INSL6: variants seen among roughly 807,000 people sequenced by gnomAD.
INSL6 encodes insulin like 6, also known as insulin-like peptide INSL6.
In INSL6, 16 loss-of-function variants were observed where a neutral mutation model predicts 9.4. The observed-to-expected ratio is 1.70, with a 90% CI of 1.15 to 2.59. The LOEUF (loss-of-function observed/expected upper bound fraction) is 2.59, where lower values mean the gene tolerates loss of function less well. Ranked by LOEUF, INSL6 falls within the 30% of genes most tolerant of loss-of-function variation. The pLI, the probability that INSL6 is intolerant of heterozygous loss-of-function variation, is 0.00. For missense variants in INSL6, 391 were observed against 257.3 expected (o/e 1.52, Z -3.56); for synonymous variants, 154 against 96.9 (o/e 1.59, Z -3.46).
downstream of INSL6, among the ~76,000 whole-genome samples, chr9:5,120,113 G>A (rs1823500829): frequency 6.6e-6 from 1 of 152,342 alleles, no homozygotes. Flanking sequence ...CAGGCGTCTG[G>A]TGAGAGCTGC....
chr9:5,081,578 C>A, the INSL6 span: 2 of 590,782 alleles, frequency 3.4e-6, no homozygotes, highest in South Asian at 4.7e-5. Context: ...TAAAGGCTCC[C>A]ATTAATATAA....
intron 2 of INSL6, among the ~76,000 whole-genome samples, chr9:5,140,746 G>A (rs1233709083): frequency 6.6e-6 from 1 of 151,620 alleles, no homozygotes; most frequent in African/African-American, 2.4e-5. Flanking sequence ...TAAGTTCAGG[G>A]TACATATGCA....
At chr9:5,034,275 T>C in the INSL6 span, among the ~76,000 whole-genome samples, 36,096 of 151,620 alleles carry the variant, frequency 0.24, 4,643 homozygotes, top group South Asian at 0.31. Flanking sequence ...GACTTAGACT[T>C]CCACACAATA....
At chr9:5,164,870 C>T (rs540137240) in intron 1 of INSL6, among the ~76,000 whole-genome samples, 1 of 152,152 alleles carries the variant, frequency 6.6e-6, no homozygotes, top group Non-Finnish European at 1.5e-5. Flanking sequence ...ATCCATTTAT[C>T]AATTGATGGA....
Position 5,185,604 on chromosome 9 carries a change from C to T in INSL6, c.-2G>A, listed in dbSNP as rs1319170705. The stretch of plus-strand genomic sequence containing the variant: ...GGACAAGCGGAGGAGCCGCGGCATC[C>T]CTGTGACCCCAGGCTAGTCCTCCGC... On this transcript the variant is annotated 5_prime_UTR_variant, in exon 1 of 2. Coordinates refer to ENST00000381641, the MANE Select transcript of INSL6 (RefSeq NM_007179.3). 4.3e-6 allele frequency: 7 copies of T among 1,610,292 alleles called. No individual in the cohort carries two copies. The highest frequency in any genetic ancestry group is 5.9e-6 in the Non-Finnish European group (7 of 1,179,092).
chr9:5,072,342 T>A, the INSL6 span: 1 of 497,432 alleles, frequency 2.0e-6, no homozygotes, highest in Non-Finnish European at 3.6e-6. Flanking sequence ...AATAAAAGCA[T>A]TAATTTGGAG....
intron 3 of INSL6, among the ~76,000 whole-genome samples, chr9:5,129,431 C>T (rs1238579170): frequency 2.0e-5 from 3 of 152,066 alleles, no homozygotes; most frequent in Non-Finnish European, 4.4e-5. Flanking sequence ...CTTTAATGAA[C>T]ACTGTTGTAT....
intron 1 of INSL6, among the ~76,000 whole-genome samples, chr9:5,174,231 C>T (rs532254527): frequency 3.3e-5 from 5 of 152,162 alleles, no homozygotes; most frequent in African/African-American, 9.7e-5. Context: ...CCCCACTTAC[C>T]ATGCCAGCTA....
At chr9:5,013,481 A>G in the INSL6 span, among the ~76,000 whole-genome samples, 1 of 152,202 alleles carries the variant, frequency 6.6e-6, no homozygotes, top group Non-Finnish European at 1.5e-5. Context: ...AGACCACTCC[A>G]TTGCCTTTTG....
the INSL6 span, chr9:5,055,824 TTA>T: frequency 6.4e-7 from 1 of 1,566,904 alleles, no homozygotes; most frequent in Non-Finnish European, 8.7e-7. Context: ...TGGTTTCATT[TTA>T]TAGTTCTCAG....
the INSL6 span, chr9:5,077,568 C>G: frequency 6.7e-7 from 1 of 1,482,236 alleles, no homozygotes; most frequent in Non-Finnish European, 8.9e-7. Context: ...TGGCATGGGC[C>G]ATGCATTTTC....
intron 2 of INSL6, among the ~76,000 whole-genome samples, chr9:5,145,620 C>A (rs1431774765): frequency 1.3e-5 from 2 of 152,186 alleles, no homozygotes; most frequent in Non-Finnish European, 2.9e-5. Flanking sequence ...GGTCTCTTTA[C>A]ACAATCCCAT....
the INSL6 span, among the ~76,000 whole-genome samples, chr9:5,010,779 TGA>T: frequency 2.0e-5 from 3 of 152,222 alleles, no homozygotes; most frequent in African/African-American, 7.2e-5. Context: ...TTCTTGAGTG[TGA>T]GTTTGTTGGT....
intron 1 of INSL6, among the ~76,000 whole-genome samples, chr9:5,167,146 G>A (rs1359421018): frequency 6.6e-6 from 1 of 152,220 alleles, no homozygotes; most frequent in Non-Finnish European, 1.5e-5. Flanking sequence ...CTGGGAGCCA[G>A]CCACACAGGG....
At chr9:5,123,638 G>A (rs1242568016), downstream of INSL6, among the ~76,000 whole-genome samples, 2 of 151,832 alleles carry the variant, frequency 1.3e-5, no homozygotes, top group Non-Finnish European at 1.5e-5. Flanking sequence ...TTTTGATACA[G>A]TGATTTCTTG....
the INSL6 span, among the ~76,000 whole-genome samples, chr9:5,106,523 C>T: frequency 6.6e-6 from 1 of 152,120 alleles, no homozygotes; most frequent in Non-Finnish European, 1.5e-5. Flanking sequence ...CTAGAAATAC[C>T]ATTTGACCCA....
At chr9:5,154,045 A>G (rs1207476359) in intron 2 of INSL6, among the ~76,000 whole-genome samples, 1 of 152,232 alleles carries the variant, frequency 6.6e-6, no homozygotes, top group East Asian at 1.9e-4. Flanking sequence ...ACAAAGCTGG[A>G]GGCATCACAC....
At chr9:5,096,295 C>G in the INSL6 span, among the ~76,000 whole-genome samples, 1 of 152,160 alleles carries the variant, frequency 6.6e-6, no homozygotes, top group Non-Finnish European at 1.5e-5. Flanking sequence ...CAGGGACCTT[C>G]AAAACCCTTA....
At chr9:4,995,615 C>G in the INSL6 span, among the ~76,000 whole-genome samples, 1 of 152,154 alleles carries the variant, frequency 6.6e-6, no homozygotes, top group African/African-American at 2.4e-5. Context: ...CCTCTGAAAC[C>G]ATATTGTGAG....
Sources: gnomAD v4.1 joint callset for allele counts (sites outside exome capture counted in the v4.1 genomes callset) on GRCh38, gnomAD v4.1.1 for gene constraint, MANE v1.5 for transcripts, NCBI Gene and HGNC (gene_info 2026-07-23, HGNC 2026-07-21) for gene names.